Variants in NALF1 observed in about 807,000 individuals in gnomAD.
The protein encoded by NALF1 is NALCN channel auxiliary factor 1.
Under a neutral mutation model 48.4 loss-of-function variants are expected in NALF1, and 3 were observed. That is an observed-to-expected ratio of 0.06 (90% CI 0.03 to 0.16). The LOEUF is 0.16. NALF1 is among the 10% of genes least tolerant of loss of function. The probability of loss-of-function intolerance (pLI) is 1.00; values close to 1 mark genes in which losing one functional copy is unlikely to be tolerated. For missense variants in NALF1, 526 were observed against 571.5 expected (o/e 0.92, Z 0.81); for synonymous variants, 262 against 245.7 (o/e 1.07, Z -0.62).
At position 107,283,327 on chromosome 13, in the gene NALF1, C is replaced by T. The variant is rs141457915; in HGVS notation, c.916-72572G>A. 9.9e-5 allele frequency among the ~76,000 whole-genome samples: 15 copies of T among 152,188 alleles called. No individual in the cohort carries two copies. In the East Asian group the frequency reaches 2.3e-3, roughly 24 times the overall value. ...GTGACATCAGCAACATGGTGAAGTA[C>T]GGCAGCTCCAGACTCCTGTCTCTCC... On this transcript the variant is annotated intron_variant, in intron 1 of 2. Coordinates refer to ENST00000375915, the MANE Select transcript of NALF1 (RefSeq NM_001080396.3).
At chr13:107,462,890 T>C (rs963910081) in intron 1 of NALF1, among the ~76,000 whole-genome samples, 7 of 152,222 alleles carry the variant, frequency 4.6e-5, no homozygotes, top group Admixed American at 3.9e-4. Flanking sequence ...TTAATCTGTA[T>C]ATTTTAACTG....
chr13:107,418,713 A>G (rs1847682053), intron 1 of NALF1, among the ~76,000 whole-genome samples: 2 of 151,274 alleles, frequency 1.3e-5, no homozygotes, highest in Admixed American at 6.6e-5. Flanking sequence ...CACCCTCCCC[A>G]CTCTAACAGT....
At chr13:107,435,822 C>T (rs982682394) in intron 1 of NALF1, among the ~76,000 whole-genome samples, 2 of 152,046 alleles carry the variant, frequency 1.3e-5, no homozygotes, top group African/African-American at 4.8e-5. Context: ...ACTGCATAAA[C>T]AGAACAACCA....
At chr13:107,525,446 T>C (rs773102769) in intron 1 of NALF1, among the ~76,000 whole-genome samples, 1 of 152,162 alleles carries the variant, frequency 6.6e-6, no homozygotes, top group Non-Finnish European at 1.5e-5. Flanking sequence ...CATGTATCAA[T>C]ATTTCATTTC....
chr13:107,385,748 T>A (rs1883520212), intron 1 of NALF1, among the ~76,000 whole-genome samples: 1 of 152,186 alleles, frequency 6.6e-6, no homozygotes, highest in South Asian at 2.1e-4. Flanking sequence ...GCCAATTCTT[T>A]AAAAATAGTA....
At chr13:107,219,175 A>G (rs963830302) in intron 1 of NALF1, among the ~76,000 whole-genome samples, 4 of 152,184 alleles carry the variant, frequency 2.6e-5, no homozygotes, top group East Asian at 1.9e-4. Flanking sequence ...ATATAACTCA[A>G]TAGCCTTATC....
At chr13:107,174,286 C>T (rs2138766288) in intron 2 of NALF1, among the ~76,000 whole-genome samples, 1 of 152,166 alleles carries the variant, frequency 6.6e-6, no homozygotes, top group Admixed American at 6.5e-5. Flanking sequence ...AGGGCTGCGG[C>T]CTGTGAGCTG....
intron 1 of NALF1, among the ~76,000 whole-genome samples, chr13:107,776,631 T>C (rs546627122): frequency 3.9e-5 from 6 of 152,340 alleles, no homozygotes; most frequent in South Asian, 4.1e-4. Flanking sequence ...GAAATCATGA[T>C]AGATCTTATG....
chr13:107,678,760 A>T (rs1881199529), intron 1 of NALF1, among the ~76,000 whole-genome samples: 1 of 152,176 alleles, frequency 6.6e-6, no homozygotes, highest in Non-Finnish European at 1.5e-5. Flanking sequence ...GTGAATAGGG[A>T]AGAGCCCCTT....
At chr13:107,442,444 A>C (rs1301252351) in intron 1 of NALF1, among the ~76,000 whole-genome samples, 1 of 152,208 alleles carries the variant, frequency 6.6e-6, no homozygotes, top group Non-Finnish European at 1.5e-5. Flanking sequence ...CCTAGTTAAC[A>C]AGTCTGCTGG....
intron 1 of NALF1, among the ~76,000 whole-genome samples, chr13:107,287,110 G>A (rs1881511044): frequency 6.6e-6 from 1 of 152,168 alleles, no homozygotes; most frequent in Admixed American, 6.5e-5. Flanking sequence ...ACAGTATTCT[G>A]AGGAAGGTGT....
At chr13:107,549,902 G>A (rs1877242858) in intron 1 of NALF1, among the ~76,000 whole-genome samples, 1 of 150,424 alleles carries the variant, frequency 6.6e-6, no homozygotes, top group African/African-American at 2.5e-5. Flanking sequence ...TGTATTTCCT[G>A]TCAACTATTC....
At chr13:107,429,044 C>T (rs56095100) in intron 1 of NALF1, among the ~76,000 whole-genome samples, 37,197 of 151,986 alleles carry the variant, frequency 0.24, 4,717 homozygotes, top group Admixed American at 0.29. Flanking sequence ...AGAGATTAGC[C>T]GGGCACGGTG....
intron 2 of NALF1, among the ~76,000 whole-genome samples, chr13:107,206,981 C>T (rs1382657068): frequency 6.6e-6 from 1 of 152,198 alleles, no homozygotes; most frequent in Non-Finnish European, 1.5e-5. Flanking sequence ...TTGAAGGAAA[C>T]TCCACCTATT....
intron 1 of NALF1, among the ~76,000 whole-genome samples, chr13:107,507,636 C>T (rs1005955614): frequency 6.9e-6 from 1 of 144,840 alleles, no homozygotes; most frequent in East Asian, 2.0e-4. Flanking sequence ...GCAAACACAC[C>T]CAAGACAGTA....
chr13:107,536,653 T>C (rs1208579443), intron 1 of NALF1, among the ~76,000 whole-genome samples: 1 of 152,190 alleles, frequency 6.6e-6, no homozygotes, highest in Admixed American at 6.6e-5. Flanking sequence ...GGTTCAACCA[T>C]TGTGGAAGTC....
At chr13:107,587,238 T>G (rs369183529) in intron 1 of NALF1, among the ~76,000 whole-genome samples, 1 of 152,068 alleles carries the variant, frequency 6.6e-6, no homozygotes, top group Non-Finnish European at 1.5e-5. Flanking sequence ...AGTTTCTACA[T>G]ATGAACTGCA....
At chr13:107,459,205 T>C (rs573545266) in intron 1 of NALF1, among the ~76,000 whole-genome samples, 1 of 152,022 alleles carries the variant, frequency 6.6e-6, no homozygotes, top group Non-Finnish European at 1.5e-5. Context: ...AAAGAACTCA[T>C]AAAACCCAGG....
chr13:107,208,657 T>C (rs1879692996), intron 2 of NALF1, among the ~76,000 whole-genome samples: 1 of 151,938 alleles, frequency 6.6e-6, no homozygotes, highest in South Asian at 2.1e-4. Context: ...TACATAAAAA[T>C]CGAATAGCTT....
Sources: gnomAD v4.1 joint callset for allele counts (sites outside exome capture counted in the v4.1 genomes callset) on GRCh38, gnomAD v4.1.1 for gene constraint, MANE v1.5 for transcripts, NCBI Gene and HGNC (gene_info 2026-07-23, HGNC 2026-07-21) for gene names.